Variants in GAS2 observed in about 807,000 individuals in gnomAD.
GAS2 encodes growth arrest-specific protein 2.
Under a neutral mutation model 37.5 loss-of-function variants are expected in GAS2, and 20 were observed. The observed-to-expected ratio is 0.53, with a 90% CI of 0.37 to 0.77. The LOEUF is 0.77. Among genes scored for constraint, GAS2 ranks in the 30% least tolerant of loss-of-function variants. GAS2 has a pLI of 0.00. For synonymous variants in GAS2, 144 were observed against 132.2 expected (o/e 1.09, Z -0.61); for missense variants, 336 against 373.4 (o/e 0.90, Z 0.82).
Position 22,697,610 on chromosome 11 carries a change from T to C in GAS2, c.267+11821T>C, listed in dbSNP as rs371774250. Among the ~76,000 whole-genome samples the C allele has an allele frequency of 2.3e-4, 35 of 152,272 alleles. No homozygotes were observed. The South Asian group carries it at 7.0e-3, about 31-fold the overall frequency. ...GTTCTTCCATTTGTTTGTATCCTCT[T>C]TTATTTCATTGAGCAGTGGTTTGTA... On this transcript the variant is annotated intron_variant, in intron 3 of 7. Coordinates refer to ENST00000454584, the MANE Select transcript of GAS2 (RefSeq NM_001143830.3).
rs376085542 is a variant in GAS2, at chr11:22,811,973, T to C, written c.899T>C (p.Leu300Ser). ...TLKDMNPDNY[L>S]VVSASYKAKK... ...AAGGACATGAATCCAGATAACTACT[T>C]GGTGGTCTCTGCCAGTTATAAGGCT... Residue 300 changes from leucine (L) to serine (S), a missense_variant, in exon 8 of 8, where the codon TTG (leucine) becomes TCG (serine). Coordinates refer to ENST00000454584, the MANE Select transcript of GAS2 (RefSeq NM_001143830.3). 1 of 1,614,004 alleles carries C rather than the reference T, an allele frequency of 6.2e-7. No individual in the cohort carries two copies. Among genetic ancestry groups the C allele is most frequent in the Non-Finnish European group, 8.5e-7 (1 of 1,180,014 alleles).
chr11:22,811,381 G>A (rs1177744100), intron 7 of GAS2, among the ~76,000 whole-genome samples: 1 of 152,112 alleles, frequency 6.6e-6, no homozygotes, highest in Admixed American at 6.5e-5. Flanking sequence ...TAATTCAGTA[G>A]CAGACATTTC....
Position 22,759,506 on chromosome 11 carries a change from G to A in GAS2, c.723+3553G>A, listed in dbSNP as rs79383021. Among the ~76,000 whole-genome samples the A allele has an allele frequency of 7.7e-3, 1,170 of 152,178 alleles. 16 individuals carry two copies. Among genetic ancestry groups the A allele is most frequent in the Middle Eastern group, 0.024 (7 of 294 alleles). On this transcript the variant is annotated intron_variant, in intron 7 of 7. Transcript: ENST00000454584. ...GTTTCTAGCTTATGAAAAATAATTT[G>A]TCAAAGCCAAATTTTTGCCTGGTAC...
intron 7 of GAS2, among the ~76,000 whole-genome samples, chr11:22,768,507 G>C (rs1035050661): frequency 2.6e-5 from 4 of 152,092 alleles, no homozygotes; most frequent in African/African-American, 9.7e-5. Context: ...GCCAATTATG[G>C]AAAACTGCCT....
chr11:22,758,226 C>T (rs1213032153), intron 7 of GAS2, among the ~76,000 whole-genome samples: 6 of 152,134 alleles, frequency 3.9e-5, no homozygotes, highest in Admixed American at 2.0e-4. Flanking sequence ...GTAGTAAGTG[C>T]CTGTAGTCAA....
At chr11:22,705,257 G>A (rs547065878) in intron 3 of GAS2, among the ~76,000 whole-genome samples, 1 of 152,082 alleles carries the variant, frequency 6.6e-6, no homozygotes, top group Non-Finnish European at 1.5e-5. Context: ...TGACGAGTAG[G>A]TCCCATCCAC....
chr11:22,652,595 C>T (rs184688112), intron 1 of GAS2, among the ~76,000 whole-genome samples: 31 of 152,326 alleles, frequency 2.0e-4, no homozygotes, highest in African/African-American at 6.5e-4. Flanking sequence ...TAGGACCCTC[C>T]GAGCCAGGTG....
intron 3 of GAS2, among the ~76,000 whole-genome samples, chr11:22,697,636 G>T (rs553417327): frequency 6.6e-6 from 1 of 152,200 alleles, no homozygotes; most frequent in Admixed American, 6.5e-5. Context: ...GTGGTTTGTA[G>T]TTCTCCTTGA....
chr11:22,781,818 C>T (rs1750728787), intron 7 of GAS2, among the ~76,000 whole-genome samples: 1 of 152,022 alleles, frequency 6.6e-6, no homozygotes, highest in South Asian at 2.1e-4. Flanking sequence ...CTGTCTAGAT[C>T]CCTGGGTCTT....
chr11:22,778,085 T>G (rs1350367873), intron 7 of GAS2, among the ~76,000 whole-genome samples: 1 of 152,158 alleles, frequency 6.6e-6, no homozygotes, highest in Admixed American at 6.5e-5. Context: ...AAATAATGAT[T>G]TCTTAAAACA....
At chr11:22,637,024 T>C (rs1192810768) in intron 1 of GAS2, among the ~76,000 whole-genome samples, 2 of 136,400 alleles carry the variant, frequency 1.5e-5, no homozygotes, top group East Asian at 4.9e-4. Flanking sequence ...TTATATATTA[T>C]ATATTCTGGT....
intron 5 of GAS2, among the ~76,000 whole-genome samples, chr11:22,740,361 A>G (rs968223627): frequency 1.1e-4 from 17 of 152,228 alleles, no homozygotes; most frequent in Non-Finnish European, 1.8e-4. Flanking sequence ...AAGAAGTTCC[A>G]TAAGGATTAA....
At chr11:22,722,857 C>G (rs959459538) in intron 3 of GAS2, among the ~76,000 whole-genome samples, 1 of 151,716 alleles carries the variant, frequency 6.6e-6, no homozygotes. Context: ...CATGAGTAAA[C>G]AAAGATAATA....
intron 7 of GAS2, among the ~76,000 whole-genome samples, chr11:22,811,054 A>G (rs1590157627): frequency 6.6e-6 from 1 of 152,186 alleles, no homozygotes; most frequent in African/African-American, 2.4e-5. Flanking sequence ...ATGACAAATT[A>G]TTTGGTTTTC....
At chr11:22,738,813 A>C (rs1452227317) in intron 5 of GAS2, among the ~76,000 whole-genome samples, 1 of 152,206 alleles carries the variant, frequency 6.6e-6, no homozygotes, top group Non-Finnish European at 1.5e-5. Flanking sequence ...TCATATCAAT[A>C]TAATCTTCAT....
intron 4 of GAS2, among the ~76,000 whole-genome samples, chr11:22,727,306 A>G (rs1297260341): frequency 2.0e-5 from 3 of 152,088 alleles, no homozygotes; most frequent in African/African-American, 7.2e-5. Flanking sequence ...AGCCTTAAAA[A>G]TCAATTTAAT....
At chr11:22,652,829 C>T (rs1046003533) in intron 1 of GAS2, among the ~76,000 whole-genome samples, 1 of 152,162 alleles carries the variant, frequency 6.6e-6, no homozygotes, top group Admixed American at 6.5e-5. Flanking sequence ...TCTGGCACTC[C>T]CTAGTGAGAT....
chr11:22,761,010 A>G (rs1854366090), intron 7 of GAS2, among the ~76,000 whole-genome samples: 1 of 152,072 alleles, frequency 6.6e-6, no homozygotes, highest in African/African-American at 2.4e-5. Flanking sequence ...GAATTTTTGC[A>G]TATTGTTGTG....
chr11:22,694,792 G>C (rs111568187), intron 3 of GAS2, among the ~76,000 whole-genome samples: 1 of 152,088 alleles, frequency 6.6e-6, no homozygotes, highest in African/African-American at 2.4e-5. Flanking sequence ...ATTACATCCT[G>C]CTCTCCTCAG....
Sources: allele counts gnomAD v4.1 joint callset (sites outside exome capture counted in the v4.1 genomes callset), GRCh38; gene constraint gnomAD v4.1.1; transcripts MANE v1.5; gene names NCBI Gene and HGNC (gene_info 2026-07-23, HGNC 2026-07-21).